The following LARGE1 variants were observed in gnomAD, a reference collection of about 807,000 sequenced individuals.
The protein encoded by LARGE1 is xylosyl- and glucuronyltransferase LARGE1.
LARGE1 carries 43 observed loss-of-function variants against 87.6 expected under a neutral mutation model. The ratio of observed to expected loss-of-function variants is 0.49; its 90% confidence interval spans 0.38 to 0.63. LARGE1 has a LOEUF of 0.63. Ranked by LOEUF, LARGE1 falls within the 30% of genes least tolerant of loss-of-function variation. LARGE1 has a pLI of 0.00. For missense variants in LARGE1, 802 were observed against 1,000.2 expected (o/e 0.80, Z 2.67); for synonymous variants, 434 against 394.6 (o/e 1.10, Z -1.18).
intron 1 of LARGE1, among the ~76,000 whole-genome samples, chr22:33,894,999 C>T (rs1033042961): frequency 1.1e-4 from 17 of 152,018 alleles, no homozygotes; most frequent in African/African-American, 4.1e-4. Context: ...CAATTAGAGC[C>T]ACCCTAGAAA....
At chr22:33,194,990 G>GT (rs2146199301) in intron 11 of LARGE1, among the ~76,000 whole-genome samples, 2 of 152,212 alleles carry the variant, frequency 1.3e-5, no homozygotes, top group Non-Finnish European at 2.9e-5. Flanking sequence ...GTTGCCCAAG[G>GT]TTTTTCAGCT....
At chr22:33,531,967 C>T (rs1049071243) in intron 6 of LARGE1, among the ~76,000 whole-genome samples, 4 of 152,168 alleles carry the variant, frequency 2.6e-5, no homozygotes, top group East Asian at 1.9e-4. Context: ...CAAGGAGGCG[C>T]CTGAAGCCTC....
intron 1 of LARGE1, among the ~76,000 whole-genome samples, chr22:33,812,304 C>T (rs1021556822): frequency 2.6e-5 from 4 of 152,206 alleles, no homozygotes; most frequent in African/African-American, 7.2e-5. Context: ...TGCCTTCTCA[C>T]GGTTCTGACA....
At position 33,337,058 on chromosome 22, in the gene LARGE1, C is replaced by CAA. The variant is rs557329106; in HGVS notation, c.1287+586_1287+587dup. On this transcript the variant is annotated intron_variant, in intron 10 of 14. Coordinates refer to ENST00000397394, the MANE Select transcript of LARGE1 (RefSeq NM_133642.5). ...CCTGGGTGACAGAGTGAAACTCTGT[C>CAA]AAAAAAAAAAAAAAAAGTGGGTTTC... 3.3e-4 allele frequency among the ~76,000 whole-genome samples: 22 copies of CAA among 67,642 alleles called. No homozygotes were observed. The South Asian group carries it at 4.4e-3, about 14-fold the overall frequency. The allele number at this position is 67,642 out of a possible 152,430, so 44.4% of individuals were successfully genotyped here. A position where few individuals can be genotyped will look rare whatever the true frequency, so the allele number is the denominator to read the frequency against.
intron 10 of LARGE1, among the ~76,000 whole-genome samples, chr22:33,328,390 A>G (rs144460142): frequency 0.047 from 7,097 of 152,008 alleles, 284 homozygotes; most frequent in African/African-American, 0.12. Flanking sequence ...GACCAGCCTG[A>G]CCAAGATGGT....
chr22:33,511,318 C>T (rs2071044337), intron 6 of LARGE1, among the ~76,000 whole-genome samples: 1 of 152,038 alleles, frequency 6.6e-6, no homozygotes, highest in Admixed American at 6.5e-5. Flanking sequence ...TTATTGAGTA[C>T]CCTTTAAACT....
intron 2 of LARGE1, among the ~76,000 whole-genome samples, chr22:33,658,655 A>G (rs2081038148): frequency 1.3e-5 from 2 of 152,160 alleles, no homozygotes; most frequent in African/African-American, 4.8e-5. Context: ...TCCATGGTGT[A>G]TATGTACCAT....
intron 7 of LARGE1, among the ~76,000 whole-genome samples, chr22:33,429,685 G>T (rs555804401): frequency 6.6e-6 from 1 of 152,142 alleles, no homozygotes; most frequent in Non-Finnish European, 1.5e-5. Flanking sequence ...AGACAGAAAC[G>T]AAATGTATAC....
intron 9 of LARGE1, among the ~76,000 whole-genome samples, chr22:33,352,948 T>C (rs1419653237): frequency 6.6e-6 from 1 of 152,204 alleles, no homozygotes; most frequent in East Asian, 1.9e-4. Context: ...GACAAGCTGA[T>C]GTGAATAGCA....
At chr22:33,123,931 C>G in the LARGE1 span, among the ~76,000 whole-genome samples, 1 of 152,078 alleles carries the variant, frequency 6.6e-6, no homozygotes, top group African/African-American at 2.4e-5. Context: ...CTGGTAGGTC[C>G]CACATCAGGC....
At chr22:33,788,342 A>G (rs764309783) in intron 1 of LARGE1, among the ~76,000 whole-genome samples, 8 of 152,148 alleles carry the variant, frequency 5.3e-5, no homozygotes, top group Non-Finnish European at 1.5e-5. Flanking sequence ...CATTAAACTT[A>G]TTTCCCTTAT....
At chr22:33,641,453 A>G (rs2080430396) in intron 3 of LARGE1, among the ~76,000 whole-genome samples, 1 of 152,200 alleles carries the variant, frequency 6.6e-6, no homozygotes, top group Admixed American at 6.5e-5. Flanking sequence ...TGAAAATAAC[A>G]AAAACCAGAA....
intron 6 of LARGE1, among the ~76,000 whole-genome samples, chr22:33,449,587 C>T (rs1403766802): frequency 2.0e-5 from 3 of 152,370 alleles, no homozygotes; most frequent in Admixed American, 2.0e-4. Flanking sequence ...AGACAAGATG[C>T]TCCGTCTATG....
At chr22:33,157,786 A>C (rs181247138), downstream of LARGE1, among the ~76,000 whole-genome samples, 40 of 152,336 alleles carry the variant, frequency 2.6e-4, no homozygotes, top group Admixed American at 9.2e-4. Context: ...TCAGATAAAA[A>C]TAATACATTA....
chr22:33,547,743 G>A lies in LARGE1; in HGVS notation c.787+17105C>T, dbSNP rs1602365582. On this transcript the variant is annotated intron_variant, in intron 6 of 14. Transcript: ENST00000397394. ...CGGGAGGTGGAGGTTGCAGTCAGCT[G>A]AAACTGTGCCACTGCACTCCAGCCT... Among the ~76,000 whole-genome samples the A allele has an allele frequency of 2.4e-5, 3 of 124,506 alleles. No homozygotes were observed. In the South Asian group the frequency reaches 8.1e-4, roughly 34 times the overall value. 81.7% of individuals were successfully genotyped at this position (124,506 alleles called of 152,430 possible). A position where few individuals can be genotyped will look rare whatever the true frequency, so the allele number is the denominator to read the frequency against.
At chr22:33,100,940 A>G in the LARGE1 span, among the ~76,000 whole-genome samples, 1 of 151,786 alleles carries the variant, frequency 6.6e-6, no homozygotes, top group Non-Finnish European at 1.5e-5. Flanking sequence ...CAGACTCCCA[A>G]GTTCAAGCGA....
rs183610393 is a variant in LARGE1, at chr22:33,536,451, T to C, written c.787+28397A>G. ...ATTAATTACAGAAGGCTTAACGTGCTGAGCACCCTGCTATGCACTGAGGAG... is the reference window on the plus strand; with the variant it reads ...ATTAATTACAGAAGGCTTAACGTGCCGAGCACCCTGCTATGCACTGAGGAG... On this transcript the variant is annotated intron_variant, in intron 6 of 14. Transcript: ENST00000397394. Among the ~76,000 whole-genome samples the C allele has an allele frequency of 7.2e-5, 11 of 152,338 alleles. No homozygotes were observed. In the East Asian group the frequency reaches 1.9e-3, roughly 27 times the overall value.
At chr22:33,143,788 T>C in the LARGE1 span, among the ~76,000 whole-genome samples, 1 of 152,142 alleles carries the variant, frequency 6.6e-6, no homozygotes, top group Non-Finnish European at 1.5e-5. Context: ...ATCATTCACA[T>C]TAAATCAGGA....
chr22:33,584,458 C>T (rs1281746363), intron 5 of LARGE1, among the ~76,000 whole-genome samples: 2 of 152,160 alleles, frequency 1.3e-5, no homozygotes, highest in Non-Finnish European at 2.9e-5. Context: ...TACACTCTTC[C>T]CTATTTCATT....
Sources: allele counts gnomAD v4.1 joint callset (sites outside exome capture counted in the v4.1 genomes callset), GRCh38; gene constraint gnomAD v4.1.1; transcripts MANE v1.5; gene names NCBI Gene and HGNC (gene_info 2026-07-23, HGNC 2026-07-21).